Variants in OIT3 observed in about 807,000 individuals in gnomAD.
OIT3 encodes the protein oncoprotein-induced transcript 3 protein.
A neutral mutation model predicts 52.2 loss-of-function variants in OIT3; 41 were observed. The observed-to-expected ratio is 0.79, with a 90% confidence interval of 0.61 to 1.02. The LOEUF (loss-of-function observed/expected upper bound fraction) is 1.02, where lower values mean the gene tolerates loss of function less well. Ranked by LOEUF, OIT3 falls within the 50% of genes least tolerant of loss-of-function variation. The pLI is 0.00. For missense variants in OIT3, 634 were observed against 715.5 expected (o/e 0.89, Z 1.30); for synonymous variants, 244 against 276.9 (o/e 0.88, Z 1.18).
At chr10:72,913,280 C>A in intron 5 of OIT3, 28 bp from the exon 6 acceptor site, 2 of 1,548,310 alleles carry the variant, frequency 1.3e-6, no homozygotes, top group Non-Finnish European at 8.8e-7. Flanking sequence ...GGTTTCCTGG[C>A]TCTAACAGTG....
chr10:72,918,047 A>G (rs1267452015), intron 6 of OIT3: 1 of 856,378 alleles, frequency 1.2e-6, no homozygotes, highest in Non-Finnish European at 2.0e-6. Context: ...CATCATCATC[A>G]TCTTCCTCAG....
chr10:72,917,891 A>G, intron 6 of OIT3: 4 of 1,246,014 alleles, frequency 3.2e-6, no homozygotes, highest in African/African-American at 1.5e-5. Context: ...AGTCTTTTCC[A>G]TTCTGATTTG....
At chr10:72,901,574 T>G (rs1845935312) in intron 3 of OIT3, among the ~76,000 whole-genome samples, 1 of 152,050 alleles carries the variant, frequency 6.6e-6, no homozygotes, top group African/African-American at 2.4e-5. Context: ...GGTAGGAGAT[T>G]AAGGTGAAAG....
At chr10:72,922,395 C>T (rs1339790679) in intron 6 of OIT3, among the ~76,000 whole-genome samples, 1 of 151,978 alleles carries the variant, frequency 6.6e-6, no homozygotes, top group East Asian at 1.9e-4. Context: ...TCCTTTTTCT[C>T]TATTCTTGTC....
intron 5 of OIT3, among the ~76,000 whole-genome samples, chr10:72,913,050 G>A (rs1008531578): frequency 6.6e-6 from 1 of 152,140 alleles, no homozygotes; most frequent in Non-Finnish European, 1.5e-5. Flanking sequence ...TCTACACTTC[G>A]AAACCAATGT....
intron 2 of OIT3, 92 bp from the exon 3 acceptor site, chr10:72,900,285 C>T (rs1429629048): frequency 5.7e-6 from 3 of 530,068 alleles, no homozygotes; most frequent in South Asian, 2.5e-5. Context: ...AGGGATACCA[C>T]CCCCCCCGAC....
At chr10:72,918,193 G>A (rs1166533969) in intron 6 of OIT3, 1 of 1,033,226 alleles carries the variant, frequency 9.7e-7, no homozygotes, top group African/African-American at 1.6e-5. Context: ...GCTACTAAGT[G>A]CTGTCCACTA....
intron 4 of OIT3, among the ~76,000 whole-genome samples, chr10:72,908,569 C>T (rs1846000583): frequency 6.6e-6 from 1 of 152,102 alleles, no homozygotes; most frequent in South Asian, 2.1e-4. Flanking sequence ...TATAATAAGT[C>T]TAAATGTATT....
At chr10:72,894,388 G>T (rs1295453216) in intron 1 of OIT3, among the ~76,000 whole-genome samples, 1 of 152,168 alleles carries the variant, frequency 6.6e-6, no homozygotes, top group Non-Finnish European at 1.5e-5. Flanking sequence ...GTCAGGCAAA[G>T]AAAAGTTTCA....
intron 3 of OIT3, among the ~76,000 whole-genome samples, chr10:72,903,807 G>A (rs1845954202): frequency 6.6e-6 from 1 of 152,090 alleles, no homozygotes; most frequent in African/African-American, 2.4e-5. Flanking sequence ...GGGGCATAGA[G>A]TATCTTCACT....
At position 72,912,823 on chromosome 10, in the gene OIT3, C is replaced by T. The variant is rs75970382; in HGVS notation, c.791-485C>T. ...ATTTATAGTCAGAGTTTATGGTTTCCTGAGCAATGCAAGGACAATTTGGAA... is the reference window on the plus strand; with the variant it reads ...ATTTATAGTCAGAGTTTATGGTTTCTTGAGCAATGCAAGGACAATTTGGAA... On this transcript the variant is annotated intron_variant, in intron 5 of 8. Transcript: ENST00000334011. Among the ~76,000 whole-genome samples the T allele has an allele frequency of 7.1e-3, 1,083 of 152,194 alleles. 14 individuals are homozygous for T. The highest frequency in any genetic ancestry group is 0.025 in the African/African-American group (1,020 of 41,504).
chr10:72,895,368 T>C (rs1203421242), intron 1 of OIT3, among the ~76,000 whole-genome samples: 2 of 152,106 alleles, frequency 1.3e-5, no homozygotes, highest in South Asian at 2.1e-4. Flanking sequence ...CCATATACCA[T>C]CGCCCTTCCC....
chr10:72,898,002 G>A (rs548696041), intron 1 of OIT3, among the ~76,000 whole-genome samples: 53 of 151,854 alleles, frequency 3.5e-4, no homozygotes, highest in Admixed American at 6.6e-4. Flanking sequence ...TACAGTCTCC[G>A]GCCGAGCACC....
intron 6 of OIT3, among the ~76,000 whole-genome samples, chr10:72,920,872 A>G (rs1292526695): frequency 6.6e-6 from 1 of 152,214 alleles, no homozygotes; most frequent in South Asian, 2.1e-4. Flanking sequence ...AGTAAGTATC[A>G]TATGGTGATG....
rs762023383 is a variant in OIT3, at chr10:72,911,719, G to A, written c.670G>A (p.Val224Ile). 3.0e-5 allele frequency: 48 copies of A among 1,612,856 alleles called. No individual in the cohort carries two copies. Among genetic ancestry groups the A allele is most frequent in the Admixed American group, 2.8e-4 (17 of 59,840 alleles). Residue 224 changes from valine to isoleucine, a missense_variant and splice_region_variant, in exon 5 of 9, where the codon GTT becomes ATT. Transcript: ENST00000334011. Reference sequence around the variant, plus strand: ...TTTTCTGTTGGTTTCTACTGCAGACGTTGAAGGATGCCACAATAACAATGG... The same window carrying A: ...TTTTCTGTTGGTTTCTACTGCAGACATTGAAGGATGCCACAATAACAATGG... ...LRSDGKTCEDVEGCHNNNGGC... is the reference protein window; with the variant it reads ...LRSDGKTCEDIEGCHNNNGGC...
chr10:72,916,638 G>A (rs900809930), intron 6 of OIT3, among the ~76,000 whole-genome samples: 1 of 152,194 alleles, frequency 6.6e-6, no homozygotes, highest in Admixed American at 6.5e-5. Context: ...AAACATACAC[G>A]TGCATTACAT....
intron 3 of OIT3, among the ~76,000 whole-genome samples, chr10:72,905,818 G>A (rs1381135065): frequency 6.6e-6 from 1 of 152,174 alleles, no homozygotes; most frequent in Non-Finnish European, 1.5e-5. Flanking sequence ...ATCTTCTGGG[G>A]TCCTAGACTT....
Position 72,893,805 on chromosome 10 carries a change from C to T in OIT3, c.7C>T (p.Pro3Ser), listed in dbSNP as rs1845850471. The T allele has an allele frequency of 1.9e-6, 3 of 1,610,364 alleles. No homozygotes were observed. In the East Asian group the frequency reaches 6.7e-5, roughly 36 times the overall value. ...TGGCAGTTGGTCCAGAAGGATGCCT[C>T]CATTCCTGCTTCTCACCTGCCTCTT... MP[P>S]FLLLTCLFIT... The change falls in exon 1 of 9, where the codon CCA becomes TCA. Residue 3 changes from proline (P) to serine (S), a missense_variant. By Grantham distance (74) the Pro-to-Ser change is moderately conservative. Transcript: ENST00000334011.
intron 6 of OIT3, among the ~76,000 whole-genome samples, chr10:72,920,284 TATC>T (rs1224845576): frequency 6.6e-6 from 1 of 152,250 alleles, no homozygotes; most frequent in African/African-American, 2.4e-5. Flanking sequence ...TTATCCCCCT[TATC>T]ATTTCTGATT....
Sources: allele counts gnomAD v4.1 joint callset (sites outside exome capture counted in the v4.1 genomes callset), GRCh38; gene constraint gnomAD v4.1.1; transcripts MANE v1.5; gene names NCBI Gene and HGNC (gene_info 2026-07-23, HGNC 2026-07-21).